Variants in SLIT3 observed in about 807,000 individuals in gnomAD.
SLIT3 encodes slit guidance ligand 3, also known as slit homolog 3 protein.
A neutral mutation model predicts 184.0 loss-of-function variants in SLIT3; 68 were observed. The ratio of observed to expected loss-of-function variants is 0.37; its 90% CI spans 0.30 to 0.45. The LOEUF (loss-of-function observed/expected upper bound fraction) is 0.45, where lower values mean the gene tolerates loss of function less well. Among genes scored for constraint, SLIT3 ranks in the 20% least tolerant of loss-of-function variants. SLIT3 has a pLI of 1.00. For missense variants in SLIT3, 1,707 were observed against 2,026.0 expected (o/e 0.84, Z 3.02); for synonymous variants, 831 against 828.6 (o/e 1.00, Z -0.05).
chr5:168,752,860 G>C (rs1561911468), intron 18 of SLIT3, 95 bp downstream of exon 18: 1 of 1,269,086 alleles, frequency 7.9e-7, no homozygotes, highest in Non-Finnish European at 1.1e-6. Context: ...CAGACAGATA[G>C]ATGAGCCTGG....
At position 168,772,764 on chromosome 5, in the gene SLIT3, C is replaced by G; in HGVS notation, c.1459+17G>C. On this transcript the variant is annotated intron_variant, in intron 14 of 35. Coordinates refer to ENST00000519560, the MANE Select transcript of SLIT3 (RefSeq NM_003062.4). ...TTCTGAGTCAGAAAGCGGGGCCCAG[C>G]CCCGTAACCTGATTACCTGAGCAGC... 1 of 1,613,940 alleles carries G rather than the reference C, an allele frequency of 6.2e-7. No homozygotes were observed. The highest frequency in any genetic ancestry group is 1.1e-5 in the South Asian group (1 of 91,062).
chr5:169,295,644 C>T (rs987775253), intron 1 of SLIT3, among the ~76,000 whole-genome samples: 2 of 152,328 alleles, frequency 1.3e-5, no homozygotes, highest in African/African-American at 2.4e-5. Context: ...GCTTAGGGGT[C>T]GGGAACCTTC....
intron 4 of SLIT3, among the ~76,000 whole-genome samples, chr5:169,019,233 G>C (rs1284629885): frequency 6.6e-6 from 1 of 152,174 alleles, no homozygotes; most frequent in Non-Finnish European, 1.5e-5. Flanking sequence ...CAGACCTGGG[G>C]GTCGACCTTT....
Position 168,713,118 on chromosome 5 carries a change from G to A in SLIT3, c.2484-764C>T, listed in dbSNP as rs181670129. On this transcript the variant is annotated intron_variant, in intron 23 of 35. Coordinates refer to ENST00000519560, the MANE Select transcript of SLIT3 (RefSeq NM_003062.4). ...GGAGGGGGTCCTCAGCTCCCGAGGA[G>A]AGTCTCTGGAGCCGAACACTCATTG... Among the ~76,000 whole-genome samples, 696 of 152,306 alleles carry A rather than the reference G, an allele frequency of 4.6e-3. 10 individuals are homozygous for A. Among genetic ancestry groups the A allele is most frequent in the Non-Finnish European group, 3.7e-3 (249 of 68,026 alleles).
At chr5:169,201,693 T>C (rs547462604) in intron 3 of SLIT3, among the ~76,000 whole-genome samples, 2 of 152,324 alleles carry the variant, frequency 1.3e-5, no homozygotes, top group African/African-American at 4.8e-5. Context: ...TATGGTATGA[T>C]ACCTTAGAGA....
chr5:169,233,588 C>T (rs775004246), intron 3 of SLIT3, among the ~76,000 whole-genome samples: 4 of 152,146 alleles, frequency 2.6e-5, no homozygotes, highest in Non-Finnish European at 5.9e-5. Flanking sequence ...CCATGGCACA[C>T]GTTTACCTAT....
chr5:169,088,928 G>A (rs533448503), intron 4 of SLIT3, among the ~76,000 whole-genome samples: 18 of 146,726 alleles, frequency 1.2e-4, no homozygotes, highest in African/African-American at 4.5e-4. Flanking sequence ...GCTGAGGCAG[G>A]AGAATCGCTC....
At chr5:168,861,467 G>C (rs959793259) in intron 5 of SLIT3, among the ~76,000 whole-genome samples, 3 of 144,828 alleles carry the variant, frequency 2.1e-5, no homozygotes, top group Non-Finnish European at 4.5e-5. Context: ...GGCTGCAGTA[G>C]AGGAATTGCA....
rs537333623 is a variant in SLIT3, at chr5:168,890,097, A to C, written c.414-6761T>G. ...GGAGGTTGCAGTGAGCCAAGATCAC[A>C]CCACCGCACCCCAGCCTGGGTGACA... On this transcript the variant is annotated intron_variant, in intron 4 of 35. Coordinates refer to ENST00000519560, the MANE Select transcript of SLIT3 (RefSeq NM_003062.4). 4.6e-4 allele frequency among the ~76,000 whole-genome samples: 67 copies of C among 146,540 alleles called. 2 individuals are homozygous for C. The South Asian group carries it at 0.011, about 23-fold the overall frequency.
chr5:168,698,583 TGA>T (rs1472712914), intron 27 of SLIT3, among the ~76,000 whole-genome samples: 3 of 152,192 alleles, frequency 2.0e-5, no homozygotes, highest in African/African-American at 7.2e-5. Context: ...TTCAGAACTG[TGA>T]GAGAGTAAAT....
chr5:168,997,198 T>C (rs998613286), intron 4 of SLIT3, among the ~76,000 whole-genome samples: 2 of 152,090 alleles, frequency 1.3e-5, no homozygotes, highest in African/African-American at 2.4e-5. Flanking sequence ...GAAGCTGGTC[T>C]CCTGAGAGGT....
intron 20 of SLIT3, among the ~76,000 whole-genome samples, chr5:168,747,656 C>T (rs1754533452): frequency 6.6e-6 from 1 of 152,066 alleles, no homozygotes; most frequent in Non-Finnish European, 1.5e-5. Flanking sequence ...ATATTAAGAG[C>T]CCTACAGGAA....
At chr5:169,133,672 T>G (rs1761388478) in intron 4 of SLIT3, among the ~76,000 whole-genome samples, 1 of 152,186 alleles carries the variant, frequency 6.6e-6, no homozygotes, top group Non-Finnish European at 1.5e-5. Flanking sequence ...TTTTGGTGAT[T>G]GTCTGCAACT....
intron 4 of SLIT3, 134 bp from the exon 5 acceptor site, chr5:168,883,470 C>A (rs990439006): frequency 1.5e-6 from 1 of 655,852 alleles, no homozygotes; most frequent in East Asian, 2.8e-5. Flanking sequence ...TGTTTGGTCT[C>A]GGGCCCCAGG....
chr5:169,085,217 C>G (rs1759242621), intron 4 of SLIT3, among the ~76,000 whole-genome samples: 1 of 152,112 alleles, frequency 6.6e-6, no homozygotes, highest in African/African-American at 2.4e-5. Flanking sequence ...CTCTCAGAGC[C>G]AGAGCAGGTC....
intron 9 of SLIT3, among the ~76,000 whole-genome samples, chr5:168,804,044 T>C (rs1024928934): frequency 6.6e-6 from 1 of 151,554 alleles, no homozygotes; most frequent in Non-Finnish European, 1.5e-5. Context: ...CGGTGGCTCA[T>C]ACCTGTAATC....
At chr5:169,050,655 C>G (rs1019423113) in intron 4 of SLIT3, among the ~76,000 whole-genome samples, 1 of 152,036 alleles carries the variant, frequency 6.6e-6, no homozygotes, top group Admixed American at 6.6e-5. Flanking sequence ...AACCACTGCC[C>G]CCTTTGAACT....
At chr5:168,732,168 C>A (rs1181372365) in intron 20 of SLIT3, among the ~76,000 whole-genome samples, 4 of 151,836 alleles carry the variant, frequency 2.6e-5, no homozygotes, top group Admixed American at 2.0e-4. Flanking sequence ...AGTCAAGGAC[C>A]AAATCAAGAA....
Position 169,158,960 on chromosome 5 carries a change from T to C in SLIT3, c.413+34519A>G, listed in dbSNP as rs116265784. Among the ~76,000 whole-genome samples, 1,256 of 152,334 alleles carry C rather than the reference T, an allele frequency of 8.2e-3. 24 individuals are homozygous for C. Among genetic ancestry groups the C allele is most frequent in the African/African-American group, 0.029 (1,189 of 41,582 alleles). On this transcript the variant is annotated intron_variant, in intron 4 of 35. Transcript: ENST00000519560. ...TTGGCACACCAATAATTACATTAAA[T>C]GTAAATGGTCTAAATATGCCAATTA...
Sources: gnomAD v4.1 joint callset for allele counts (sites outside exome capture counted in the v4.1 genomes callset) on GRCh38, gnomAD v4.1.1 for gene constraint, MANE v1.5 for transcripts, NCBI Gene and HGNC (gene_info 2026-07-23, HGNC 2026-07-21) for gene names.